Variants in ABCB4 observed in about 807,000 individuals in gnomAD.
ABCB4 encodes the protein ATP binding cassette subfamily B member 4, also known as phosphatidylcholine translocator ABCB4.
In ABCB4, 76 loss-of-function variants were observed where a neutral mutation model predicts 145.7. The observed-to-expected ratio is 0.52, with a 90% CI of 0.43 to 0.63. ABCB4 has a LOEUF of 0.63. ABCB4 is among the 30% of genes least tolerant of loss of function. The pLI is 0.00. For missense variants in ABCB4, 1,234 were observed against 1,553.1 expected, an observed-to-expected ratio of 0.79 and a Z score of 3.45; for synonymous variants, 517 against 566.8, an observed-to-expected ratio of 0.91 and a Z score of 1.25.
At chr7:87,391,798 T>G in the ABCB4 span, 1 of 1,349,200 alleles carries the variant, frequency 7.4e-7, no homozygotes, top group Non-Finnish European at 1.0e-6. Context: ...ACTTCTTTGC[T>G]TCAGTTTTCC....
At position 87,418,662 on chromosome 7, in the gene ABCB4, ACAAG is replaced by A. The variant is rs755324685; in HGVS notation, c.2395-46_2395-43del. The A allele has an allele frequency of 1.1e-5, 17 of 1,592,104 alleles. No individual in the cohort carries two copies. In the South Asian group the frequency reaches 1.9e-4, roughly 18 times the overall value. ...ACGTTTATGTTAGTTCAAAATTAAA[ACAAG>A]CAAAGAAAACCAGACAAAGCCTCCC... On this transcript the variant is annotated intron_variant, in intron 19 of 27. Transcript: ENST00000649586.
chr7:87,398,571 C>G (rs867575318), downstream of ABCB4: 1 of 1,613,624 alleles, frequency 6.2e-7, no homozygotes. Context: ...GAGACTGATG[C>G]GGAAAAGCTA....
intron 16 of ABCB4, among the ~76,000 whole-genome samples, chr7:87,425,358 T>C (rs755358810): frequency 6.6e-6 from 1 of 152,194 alleles, no homozygotes; most frequent in Non-Finnish European, 1.5e-5. Flanking sequence ...GATAATTTCA[T>C]AGCCAAAAGA....
At chr7:87,432,108 A>T (rs776558622) in intron 14 of ABCB4, among the ~76,000 whole-genome samples, 2 of 152,220 alleles carry the variant, frequency 1.3e-5, no homozygotes. Flanking sequence ...CATAATCTCT[A>T]GAGTAAGGCA....
intron 3 of ABCB4, among the ~76,000 whole-genome samples, chr7:87,471,639 AATT>A (rs1372637744): frequency 1.3e-5 from 2 of 152,226 alleles, no homozygotes; most frequent in Admixed American, 1.3e-4. Flanking sequence ...CATGACACTT[AATT>A]CTAACTTCTT....
At chr7:87,412,114 G>C (rs1808666934) in intron 22 of ABCB4, 81 bp from the exon 23 acceptor site, 6 of 1,537,446 alleles carry the variant, frequency 3.9e-6, no homozygotes, top group Middle Eastern at 1.7e-4. Flanking sequence ...CGGCTTCTAA[G>C]TCTGGCCGAG....
chr7:87,381,909 G>T, the ABCB4 span: 50 of 1,598,282 alleles, frequency 3.1e-5, no homozygotes, highest in South Asian at 4.8e-4. Context: ...TCTCATTTTA[G>T]CATGCTCCTT....
intron 16 of ABCB4, among the ~76,000 whole-genome samples, chr7:87,425,743 G>T (rs1809759286): frequency 1.3e-5 from 2 of 151,930 alleles, no homozygotes; most frequent in Non-Finnish European, 2.9e-5. Flanking sequence ...AGGTGTGGTG[G>T]CACACACCTG....
At chr7:87,444,052 T>G (rs1490209811) in intron 10 of ABCB4, among the ~76,000 whole-genome samples, 1 of 152,208 alleles carries the variant, frequency 6.6e-6, no homozygotes, top group African/African-American at 2.4e-5. Flanking sequence ...TCATAAATTT[T>G]CTAAATGGTC....
At chr7:87,424,506 G>A (rs1297996703) in intron 16 of ABCB4, among the ~76,000 whole-genome samples, 1 of 152,172 alleles carries the variant, frequency 6.6e-6, no homozygotes, top group East Asian at 1.9e-4. Context: ...CACCTGAGTA[G>A]ATGGATAAAC....
chr7:87,440,548 AC>A, intron 12 of ABCB4, 146 bp from the exon 13 acceptor site: 3 of 682,546 alleles, frequency 4.4e-6, no homozygotes, highest in Non-Finnish European at 7.3e-6. Flanking sequence ...ATATGCAAGA[AC>A]AAAAATAAAA....
At position 87,460,622 on chromosome 7, in the gene ABCB4, GTATTTATT is replaced by G. The variant is rs3028335; in HGVS notation, c.286+2128_286+2135del. The stretch of plus-strand genomic sequence containing the variant: ...ATGTTGCTGGAAAGGACACAATTTT[GTATTTATT>G]TATTTATTTATTTATTTATTTATTT... On this transcript the variant is annotated intron_variant, in intron 4 of 27. Transcript: ENST00000649586. 9.3e-3 allele frequency among the ~76,000 whole-genome samples: 1,374 copies of G among 148,408 alleles called. 12 individuals are homozygous for G. The highest frequency in any genetic ancestry group is 0.026 in the East Asian group (131 of 5,072).
chr7:87,400,487 A>G (rs1363983502), downstream of ABCB4, among the ~76,000 whole-genome samples: 2 of 152,222 alleles, frequency 1.3e-5, no homozygotes, highest in African/African-American at 4.8e-5. Flanking sequence ...GAAAACATTC[A>G]GAGTTGGCTT....
chr7:87,422,911 G>C (rs577864175), intron 17 of ABCB4, among the ~76,000 whole-genome samples: 1 of 152,170 alleles, frequency 6.6e-6, no homozygotes, highest in Admixed American at 6.5e-5. Flanking sequence ...GTTTATTTGT[G>C]TACCACTGTA....
chr7:87,419,526 T>C (rs1477544631), intron 19 of ABCB4, among the ~76,000 whole-genome samples: 1 of 152,134 alleles, frequency 6.6e-6, no homozygotes, highest in African/African-American at 2.4e-5. Context: ...AATGTGAAAA[T>C]AGACCTCAAA....
chr7:87,418,116 A>C (rs1487195148), intron 20 of ABCB4, among the ~76,000 whole-genome samples: 1 of 152,230 alleles, frequency 6.6e-6, no homozygotes, highest in Admixed American at 6.5e-5. Flanking sequence ...CACTCAGAAC[A>C]CCACCATCCC....
chr7:87,401,528 C>T (rs536394568), downstream of ABCB4, among the ~76,000 whole-genome samples: 13 of 152,266 alleles, frequency 8.5e-5, no homozygotes, highest in African/African-American at 1.9e-4. Context: ...TAAAAAAATA[C>T]TTAATGATAG....
the ABCB4 span, among the ~76,000 whole-genome samples, chr7:87,374,595 A>AAG: frequency 1.3e-5 from 2 of 152,068 alleles, no homozygotes; most frequent in Non-Finnish European, 2.9e-5. Flanking sequence ...AGTAAGCAGG[A>AAG]AGAGAGGCAA....
intron 3 of ABCB4, 120 bp downstream of exon 3, chr7:87,472,501 A>G: frequency 1.1e-6 from 1 of 889,902 alleles, no homozygotes. Context: ...TGGGATTACA[A>G]GTATGAGTCA....
Sources: gnomAD v4.1 joint callset for allele counts (sites outside exome capture counted in the v4.1 genomes callset) on GRCh38, gnomAD v4.1.1 for gene constraint, MANE v1.5 for transcripts, NCBI Gene and HGNC (gene_info 2026-07-23, HGNC 2026-07-21) for gene names.